RFX3: variants seen among roughly 807,000 people sequenced by gnomAD.
RFX3 encodes transcription factor RFX3.
In RFX3, 14 loss-of-function variants were observed where a neutral mutation model predicts 98.6. The observed-to-expected ratio is 0.14, with a 90% CI of 0.09 to 0.22. RFX3 has a LOEUF of 0.22. Among genes scored for constraint, RFX3 ranks in the 10% least tolerant of loss-of-function variants. RFX3 has a pLI of 1.00. For synonymous variants in RFX3, 383 were observed against 328.4 expected (o/e 1.17, Z -1.80); for missense variants, 639 against 926.9 (o/e 0.69, Z 4.03).
chr9:3,250,111 T>C (rs1821188406), intron 14 of RFX3, among the ~76,000 whole-genome samples: 1 of 151,936 alleles, frequency 6.6e-6, no homozygotes, highest in Non-Finnish European at 1.5e-5. Flanking sequence ...TAAATATTTC[T>C]ATTCCTATGG....
chr9:3,366,442 CTTAACTTAT>C (rs1244557067), intron 2 of RFX3, among the ~76,000 whole-genome samples: 2 of 152,132 alleles, frequency 1.3e-5, no homozygotes, highest in Non-Finnish European at 2.9e-5. Context: ...ATAGACGAAG[CTTAACTTAT>C]TTAACTATTT....
At chr9:3,361,666 A>AC (rs1836471167) in intron 2 of RFX3, among the ~76,000 whole-genome samples, 5 of 149,548 alleles carry the variant, frequency 3.3e-5, no homozygotes, top group Admixed American at 2.0e-4. Context: ...TTTAGGAAAA[A>AC]AAAAAAAAAA....
chr9:3,305,042 T>C (rs1386524143), intron 4 of RFX3, among the ~76,000 whole-genome samples: 1 of 152,042 alleles, frequency 6.6e-6, no homozygotes, highest in East Asian at 1.9e-4. Context: ...ACAGACTCTC[T>C]GAATTCAAAA....
intron 1 of RFX3, chr9:3,469,075 T>A: frequency 2.8e-6 from 1 of 351,744 alleles, no homozygotes; most frequent in Non-Finnish European, 5.8e-6. Context: ...AAAAAAACAT[T>A]CAAGTGAAAG....
Position 3,296,556 on chromosome 9 carries a change from T to C in RFX3, c.550-3298A>G, listed in dbSNP as rs184134310. On this transcript the variant is annotated intron_variant, in intron 5 of 16. Transcript: ENST00000617270. Reference sequence around the variant, plus strand: ...GTTTGTTTATATGTATATATGCATATACATATATATTTATATAAATCACTA... The same window carrying C: ...GTTTGTTTATATGTATATATGCATACACATATATATTTATATAAATCACTA... Among the ~76,000 whole-genome samples the C allele has an allele frequency of 3.3e-5, 5 of 152,168 alleles. No individual in the cohort carries two copies. The East Asian group carries it at 9.6e-4, about 29-fold the overall frequency.
intron 1 of RFX3, among the ~76,000 whole-genome samples, chr9:3,467,117 T>TA (rs1848327747): frequency 7.2e-6 from 1 of 138,976 alleles, no homozygotes; most frequent in Non-Finnish European, 1.5e-5. Flanking sequence ...TGTATATACA[T>TA]ACATATATGT....
chr9:3,234,622 G>C (rs1818892201), intron 15 of RFX3, among the ~76,000 whole-genome samples: 1 of 152,092 alleles, frequency 6.6e-6, no homozygotes, highest in Admixed American at 6.5e-5. Flanking sequence ...CTGGGTGACA[G>C]AGCAAGACCC....
At chr9:3,317,656 C>T (rs891858765) in intron 4 of RFX3, among the ~76,000 whole-genome samples, 2 of 152,158 alleles carry the variant, frequency 1.3e-5, no homozygotes, top group Non-Finnish European at 2.9e-5. Flanking sequence ...CTACAAAGAA[C>T]TTAAAACAAA....
At chr9:3,401,616 C>T (rs758896533) in intron 1 of RFX3, among the ~76,000 whole-genome samples, 2 of 152,184 alleles carry the variant, frequency 1.3e-5, no homozygotes, top group South Asian at 4.1e-4. Context: ...AATGATGCAG[C>T]CCATATGTAA....
At chr9:3,295,140 G>T (rs985055552) in intron 5 of RFX3, among the ~76,000 whole-genome samples, 1 of 151,850 alleles carries the variant, frequency 6.6e-6, no homozygotes, top group Non-Finnish European at 1.5e-5. Context: ...AAGGCAGTCT[G>T]ATTGGGAAAT....
At chr9:3,316,165 A>C (rs1482261239) in intron 4 of RFX3, among the ~76,000 whole-genome samples, 2 of 152,204 alleles carry the variant, frequency 1.3e-5, no homozygotes, top group Admixed American at 6.5e-5. Context: ...TACATCTAAA[A>C]CCCTATCTAC....
rs76246181 is a variant in RFX3, at chr9:3,401,858, G to A, written c.-8-6262C>T. Among the ~76,000 whole-genome samples, 4 of 152,224 alleles carry A rather than the reference G, an allele frequency of 2.6e-5. No homozygotes were observed. The East Asian group carries it at 7.7e-4, about 29-fold the overall frequency. On this transcript the variant is annotated intron_variant, in intron 1 of 16. Transcript: ENST00000617270. ...CTAAATAGGCCACATTTTGAAAGAA[G>A]GCTAATTAACCCCTACGAGAAGGAA...
At chr9:3,427,175 T>G (rs1029081247) in intron 1 of RFX3, among the ~76,000 whole-genome samples, 9 of 147,886 alleles carry the variant, frequency 6.1e-5, no homozygotes, top group Non-Finnish European at 1.2e-4. Context: ...CTTTTTCTTT[T>G]GCACGTGCAG....
chr9:3,287,448 T>A (rs537461255), intron 7 of RFX3, among the ~76,000 whole-genome samples: 24 of 152,098 alleles, frequency 1.6e-4, no homozygotes, highest in African/African-American at 5.5e-4. Flanking sequence ...CCCTTAGCTA[T>A]GCAACTTTAT....
intron 1 of RFX3, among the ~76,000 whole-genome samples, chr9:3,465,008 CA>C: frequency 6.6e-6 from 1 of 152,146 alleles, no homozygotes; most frequent in African/African-American, 2.4e-5. Flanking sequence ...TATTCACAAG[CA>C]AACAATATTG....
At position 3,314,003 on chromosome 9, in the gene RFX3, AT is replaced by A. The variant is rs562251287; in HGVS notation, c.475-12384del. 6.7e-3 allele frequency among the ~76,000 whole-genome samples: 1,017 copies of A among 152,336 alleles called. 4 individuals are homozygous for A. Among genetic ancestry groups the A allele is most frequent in the Non-Finnish European group, 9.9e-3 (671 of 68,038 alleles). ...TTGAACGAGGCAGGCCAACATTCAA[AT>A]TCAGGAAATACAGAGAACGCCACAA... On this transcript the variant is annotated intron_variant, in intron 4 of 16. Coordinates refer to ENST00000617270, the MANE Select transcript of RFX3 (RefSeq NM_001282116.2).
chr9:3,340,845 G>C (rs1370498805), intron 3 of RFX3, among the ~76,000 whole-genome samples: 1 of 152,206 alleles, frequency 6.6e-6, no homozygotes, highest in African/African-American at 2.4e-5. Context: ...AGTCAGTGTG[G>C]CGATTCCTCA....
At chr9:3,524,154 A>G (rs891193664) in intron 1 of RFX3, among the ~76,000 whole-genome samples, 2 of 152,200 alleles carry the variant, frequency 1.3e-5, no homozygotes, top group African/African-American at 2.4e-5. Context: ...CTACAATAGT[A>G]CATTATATTT....
At chr9:3,280,394 C>T (rs772601719) in intron 7 of RFX3, among the ~76,000 whole-genome samples, 3 of 151,676 alleles carry the variant, frequency 2.0e-5, no homozygotes, top group Admixed American at 6.6e-5. Context: ...CATGGTATAT[C>T]GACAATGTAT....
Sources: gnomAD v4.1 joint callset for allele counts (sites outside exome capture counted in the v4.1 genomes callset) on GRCh38, gnomAD v4.1.1 for gene constraint, MANE v1.5 for transcripts, NCBI Gene and HGNC (gene_info 2026-07-23, HGNC 2026-07-21) for gene names.